The following ITK variants were observed in gnomAD, a reference collection of about 807,000 sequenced individuals.
ITK encodes IL2 inducible T cell kinase.
Under a neutral mutation model 87.6 loss-of-function variants are expected in ITK, and 45 were observed. The observed-to-expected ratio is 0.51, with a 90% CI of 0.40 to 0.66. ITK has a LOEUF of 0.66. Ranked by LOEUF, ITK falls within the 30% of genes least tolerant of loss-of-function variation. The pLI is 0.00. For missense variants in ITK, 605 were observed against 766.3 expected (o/e 0.79, Z 2.48); for synonymous variants, 303 against 273.6 (o/e 1.11, Z -1.06).
rs749506217 is a variant in ITK, at chr5:157,180,949, A to T, written c.-29A>T. ...TTGGTTGTGCTAAGAGGTGATGCCC[A>T]AGGTGCACCACCTTTCAAGAACTGG... On this transcript the variant is annotated 5_prime_UTR_variant, in exon 1 of 17. The change creates a premature stop within an existing upstream ORF in the 5' untranslated region. Coordinates refer to ENST00000422843, the MANE Select transcript of ITK (RefSeq NM_005546.4). 30 of 1,611,016 alleles carry T rather than the reference A, an allele frequency of 1.9e-5. No homozygotes were observed. The South Asian group carries it at 3.3e-4, about 18-fold the overall frequency.
chr5:157,190,439 G>A (rs1446694164), intron 1 of ITK, among the ~76,000 whole-genome samples: 1 of 152,192 alleles, frequency 6.6e-6, no homozygotes, highest in Non-Finnish European at 1.5e-5. Flanking sequence ...CAGGCACCAC[G>A]CTAGATGTGA....
chr5:157,246,960 C>G (rs1459234703), intron 15 of ITK, among the ~76,000 whole-genome samples: 1 of 152,160 alleles, frequency 6.6e-6, no homozygotes, highest in African/African-American at 2.4e-5. Flanking sequence ...CTGGATTTGC[C>G]ATGTCACCTG....
chr5:157,213,392 A>G (rs749514535), intron 3 of ITK, among the ~76,000 whole-genome samples: 5 of 152,138 alleles, frequency 3.3e-5, no homozygotes, highest in Non-Finnish European at 5.9e-5. Flanking sequence ...GAGCCAAACG[A>G]TATCAGACAG....
At position 157,254,708 on chromosome 5, in the gene ITK, C is replaced by A; in HGVS notation, c.*2030C>A. 4.6e-6 allele frequency: 1 copy of A among 218,330 alleles called. No homozygotes were observed. Among genetic ancestry groups the A allele is most frequent in the African/African-American group, 2.2e-5 (1 of 44,592 alleles). 13.5% of individuals were successfully genotyped at this position (218,330 alleles called of 1,614,324 possible). ...ATTTTGTACATTATCTTTTGGGATC[C>A]TTAATTAGAGATGATTTCTGGAACA... On this transcript the variant is annotated 3_prime_UTR_variant, in exon 17 of 17. Transcript: ENST00000422843.
chr5:157,209,117 C>T (rs961763947), intron 2 of ITK, 124 bp downstream of exon 2: 11 of 727,856 alleles, frequency 1.5e-5, no homozygotes, highest in South Asian at 4.4e-5. Flanking sequence ...AGGCAGATCA[C>T]GAGGTCAGGA....
At chr5:157,212,963 G>A (rs1438445348) in intron 3 of ITK, among the ~76,000 whole-genome samples, 3 of 152,190 alleles carry the variant, frequency 2.0e-5, no homozygotes, top group Non-Finnish European at 4.4e-5. Context: ...AGGAATATTA[G>A]AGATTAGATA....
At chr5:157,193,711 G>C (rs1753794535) in intron 1 of ITK, among the ~76,000 whole-genome samples, 1 of 152,164 alleles carries the variant, frequency 6.6e-6, no homozygotes, top group African/African-American at 2.4e-5. Flanking sequence ...GTTTGGGTCT[G>C]ATAAGTCTTT....
At chr5:157,219,434 G>A (rs563835040) in intron 5 of ITK, among the ~76,000 whole-genome samples, 3 of 152,142 alleles carry the variant, frequency 2.0e-5, no homozygotes, top group East Asian at 1.9e-4. Flanking sequence ...TTGAGTACTC[G>A]CTCTTCATTC....
chr5:157,222,660 T>C (rs1754443238), intron 5 of ITK: 1 of 597,576 alleles, frequency 1.7e-6, no homozygotes. Context: ...GAATTCACTG[T>C]GGTCAGAATT....
In ITK at chr5:157,239,428, T is replaced by C. The variant is rs571895781; in HGVS notation, c.852-634T>C. ...AGAGACTCAGTACCCAAGGCTTTTATTGGAGGCTGTTTCCACAGACAGCCC... is the reference window on the plus strand; with the variant it reads ...AGAGACTCAGTACCCAAGGCTTTTACTGGAGGCTGTTTCCACAGACAGCCC... On this transcript the variant is annotated intron_variant, in intron 9 of 16. Transcript: ENST00000422843. Among the ~76,000 whole-genome samples, 86 of 152,308 alleles carry C rather than the reference T, an allele frequency of 5.6e-4. 1 individual carries two copies. In the South Asian group the frequency reaches 0.017, roughly 29 times the overall value.
At chr5:157,239,811 A>G (rs1346668325) in intron 9 of ITK, among the ~76,000 whole-genome samples, 1 of 152,180 alleles carries the variant, frequency 6.6e-6, no homozygotes, top group Non-Finnish European at 1.5e-5. Flanking sequence ...TTTTGTGGCA[A>G]TGGAAGAACC....
intron 7 of ITK, among the ~76,000 whole-genome samples, chr5:157,230,452 A>G (rs1754627942): frequency 6.6e-6 from 1 of 152,162 alleles, no homozygotes; most frequent in South Asian, 2.1e-4. Flanking sequence ...TGGTCGTGTT[A>G]TTTGTTGCTG....
intron 7 of ITK, among the ~76,000 whole-genome samples, chr5:157,230,761 G>A (rs1754634937): frequency 6.6e-6 from 1 of 152,146 alleles, no homozygotes; most frequent in African/African-American, 2.4e-5. Context: ...TATGATCAAA[G>A]GAGCAAACTC....
chr5:157,202,020 C>G (rs1753986354), intron 1 of ITK, among the ~76,000 whole-genome samples: 1 of 151,952 alleles, frequency 6.6e-6, no homozygotes, highest in African/African-American at 2.4e-5. Flanking sequence ...ATCTGTGGTG[C>G]CCTTCTTTAT....
At chr5:157,238,346 G>T (rs1754819298) in intron 9 of ITK, among the ~76,000 whole-genome samples, 155 bp downstream of exon 9, 1 of 152,210 alleles carries the variant, frequency 6.6e-6, no homozygotes, top group African/African-American at 2.4e-5. Context: ...CAAAGCCATG[G>T]AGATCAAGGA....
chr5:157,251,521 C>G (rs550433242), intron 16 of ITK, among the ~76,000 whole-genome samples: 14 of 152,334 alleles, frequency 9.2e-5, no homozygotes, highest in Admixed American at 3.3e-4. Flanking sequence ...TCAACATCAA[C>G]TTATTTATTC....
chr5:157,218,154 A>G (rs150948552), intron 5 of ITK, among the ~76,000 whole-genome samples: 61 of 152,266 alleles, frequency 4.0e-4, no homozygotes, highest in Middle Eastern at 6.8e-3. Context: ...ACAAATACTG[A>G]TATCAAATTG....
chr5:157,184,933 G>A (rs1409772460), intron 1 of ITK, among the ~76,000 whole-genome samples: 1 of 152,154 alleles, frequency 6.6e-6, no homozygotes, highest in East Asian at 1.9e-4. Flanking sequence ...CATGGAACAA[G>A]AGAAACAGTC....
intron 1 of ITK, among the ~76,000 whole-genome samples, chr5:157,181,356 TC>T (rs1753511314): frequency 6.6e-6 from 1 of 152,146 alleles, no homozygotes; most frequent in Admixed American, 6.6e-5. Context: ...ATCAGCTTTT[TC>T]CCCCTGCAAG....
Sources: allele counts gnomAD v4.1 joint callset (sites outside exome capture counted in the v4.1 genomes callset), GRCh38; gene constraint gnomAD v4.1.1; transcripts MANE v1.5; gene names NCBI Gene and HGNC (gene_info 2026-07-23, HGNC 2026-07-21).